WWOX: variants seen among roughly 807,000 people sequenced by gnomAD.
The protein encoded by WWOX is WW domain-containing oxidoreductase.
Under a neutral mutation model 46.2 loss-of-function variants are expected in WWOX, and 69 were observed. The observed-to-expected ratio is 1.49, with a 90% confidence interval of 1.23 to 1.82. The LOEUF (loss-of-function observed/expected upper bound fraction) is 1.82, where lower values mean the gene tolerates loss of function less well. WWOX is among the 40% of genes most tolerant of loss of function. The pLI, the probability that WWOX is intolerant of heterozygous loss-of-function variation, is 0.00. For synonymous variants in WWOX, 359 were observed against 202.6 expected, an observed-to-expected ratio of 1.77 and a Z score of -6.56; for missense variants, 919 against 542.6, an observed-to-expected ratio of 1.69 and a Z score of -6.89.
Position 78,640,283 on chromosome 16 carries a change from G to A in WWOX, c.1056+207531G>A, listed in dbSNP as rs994347377. ...TTTTGCGCCTATGGTGACTTTTAGC[G>A]AATGGATACTATTGAAGGAATGTTT... On this transcript the variant is annotated intron_variant, in intron 8 of 8. Coordinates refer to ENST00000566780, the MANE Select transcript of WWOX (RefSeq NM_016373.4). Among the ~76,000 whole-genome samples the A allele has an allele frequency of 4.8e-5, 6 of 124,510 alleles. No homozygotes were observed. In the Admixed American group the frequency reaches 6.5e-4, roughly 13 times the overall value. The allele number at this position is 124,510 out of a possible 152,430, so 81.7% of individuals were successfully genotyped here.
chr16:78,739,157 C>G (rs2049157557), intron 8 of WWOX, among the ~76,000 whole-genome samples: 3 of 151,944 alleles, frequency 2.0e-5, no homozygotes, highest in South Asian at 4.2e-4. Context: ...TCTGAGTTCC[C>G]AGAGCTAGGA....
At chr16:78,531,653 G>T (rs1425536366) in intron 8 of WWOX, among the ~76,000 whole-genome samples, 1 of 151,970 alleles carries the variant, frequency 6.6e-6, no homozygotes, top group Non-Finnish European at 1.5e-5. Flanking sequence ...GACTAGCCTG[G>T]CCAACATGGT....
chr16:79,072,879 A>G (rs1293166395), intron 8 of WWOX, among the ~76,000 whole-genome samples: 1 of 152,170 alleles, frequency 6.6e-6, no homozygotes, highest in Non-Finnish European at 1.5e-5. Flanking sequence ...TCTGGCCTGA[A>G]TTTGGGCTGA....
intron 8 of WWOX, among the ~76,000 whole-genome samples, chr16:78,768,279 TAAAAAAAAAA>T (rs56280651): frequency 1.1e-5 from 1 of 91,958 alleles, no homozygotes; most frequent in African/African-American, 4.0e-5. Flanking sequence ...ATAGATGAGT[TAAAAAAAAAA>T]AAAAAAAAAA....
At position 78,338,175 on chromosome 16, in the gene WWOX, CTT is replaced by C. The variant is rs1184810638; in HGVS notation, c.517-48682_517-48681del. Among the ~76,000 whole-genome samples the C allele has an allele frequency of 3.9e-5, 4 of 102,418 alleles. 1 individual carries two copies. The highest frequency in any genetic ancestry group is 1.5e-4 in the African/African-American group (4 of 26,318). 67.2% of individuals were successfully genotyped at this position (102,418 alleles called of 152,430 possible). On this transcript the variant is annotated intron_variant, in intron 5 of 8. Coordinates refer to ENST00000566780, the MANE Select transcript of WWOX (RefSeq NM_016373.4). ...TATGAATTTATCACATGGAAACAAA[CTT>C]TTAAAAAAATTAATTTTGTGAATTA...
In WWOX at chr16:78,825,893, C is replaced by G. The variant is rs1354111039; in HGVS notation, c.1057-385715C>G. 7.2e-6 allele frequency: 5 copies of G among 693,332 alleles called. No homozygotes were observed. The African/African-American group carries it at 8.8e-5, about 12-fold the overall frequency. 42.9% of individuals were successfully genotyped at this position (693,332 alleles called of 1,614,324 possible). On this transcript the variant is annotated intron_variant, in intron 8 of 8. Coordinates refer to ENST00000566780, the MANE Select transcript of WWOX (RefSeq NM_016373.4). ...TGGCCCTAAGAAGCCTCTGCCTGAC[C>G]ACGTGAGCATCATGGAACCCAAAGA...
intron 5 of WWOX, among the ~76,000 whole-genome samples, chr16:78,184,043 G>T (rs895871276): frequency 6.6e-6 from 1 of 152,052 alleles, no homozygotes; most frequent in Admixed American, 6.6e-5. Flanking sequence ...AACCTCCCCC[G>T]TTGCTCTCTG....
rs142208666 is a variant in WWOX at position 78,195,648 on chromosome 16, C to G, written c.516+31359C>G. 1.9e-3 allele frequency among the ~76,000 whole-genome samples: 283 copies of G among 151,812 alleles called. No individual in the cohort carries two copies. The South Asian group carries it at 0.025, about 14-fold the overall frequency. Reference sequence around the variant, plus strand: ...ACCAGCCTGAGCAACATGACGAAACCCTGTCTCTACTAAAAATACAAAAAT... The same window carrying G: ...ACCAGCCTGAGCAACATGACGAAACGCTGTCTCTACTAAAAATACAAAAAT... On this transcript the variant is annotated intron_variant, in intron 5 of 8. Coordinates refer to ENST00000566780, the MANE Select transcript of WWOX (RefSeq NM_016373.4).
intron 5 of WWOX, among the ~76,000 whole-genome samples, chr16:78,295,713 AAAAC>A (rs34994613): frequency 0.27 from 41,174 of 151,268 alleles, 6,113 homozygotes; most frequent in South Asian, 0.48. Context: ...TCAGTCTTAA[AAAAC>A]AAACAAACAA....
At chr16:79,025,547 G>T (rs2047620943) in intron 8 of WWOX, among the ~76,000 whole-genome samples, 1 of 152,028 alleles carries the variant, frequency 6.6e-6, no homozygotes, top group Non-Finnish European at 1.5e-5. Context: ...GAGGGCTGCT[G>T]GCACCCCCAG....
intron 8 of WWOX, among the ~76,000 whole-genome samples, chr16:78,617,490 A>C (rs2046055796): frequency 6.6e-6 from 1 of 152,064 alleles, no homozygotes; most frequent in South Asian, 2.1e-4. Context: ...CACAATGCTC[A>C]GTGCAGTGAC....
intron 8 of WWOX, among the ~76,000 whole-genome samples, chr16:78,903,503 G>A (rs2044880972): frequency 6.6e-6 from 1 of 152,172 alleles, no homozygotes; most frequent in African/African-American, 2.4e-5. Context: ...ACCACTCAGA[G>A]GTACTTTCAA....
intron 8 of WWOX, among the ~76,000 whole-genome samples, chr16:78,978,653 G>C (rs776211536): frequency 1.3e-5 from 2 of 152,202 alleles, no homozygotes; most frequent in Non-Finnish European, 2.9e-5. Context: ...CATGGCAGAA[G>C]GTAAAGGGGA....
chr16:78,123,440 G>GTTTTTTGTTTTTTTTTTTTTTT (rs2033202143), intron 4 of WWOX: 1 of 50,500 alleles, frequency 2.0e-5, no homozygotes, highest in African/African-American at 8.4e-5. Context: ...TTTTTGTTTT[G>GTTTTTTGTTTTTTTTTTTTTTT]TTTTTTTTTT....
At chr16:78,674,334 G>C (rs1011836301) in intron 8 of WWOX, among the ~76,000 whole-genome samples, 2 of 150,970 alleles carry the variant, frequency 1.3e-5, no homozygotes, top group South Asian at 4.2e-4. Context: ...CCCCAGGCTG[G>C]AGTGCAGTGG....
At chr16:78,284,384 G>T (rs1034922688) in intron 5 of WWOX, among the ~76,000 whole-genome samples, 1 of 152,110 alleles carries the variant, frequency 6.6e-6, no homozygotes, top group Admixed American at 6.5e-5. Context: ...TGAACCTCTT[G>T]CCCACCTAGG....
At chr16:78,637,363 C>A (rs1278704578) in intron 8 of WWOX, among the ~76,000 whole-genome samples, 1 of 151,914 alleles carries the variant, frequency 6.6e-6, no homozygotes, top group Admixed American at 6.6e-5. Context: ...GTCTGTTGAA[C>A]CCAGGAGGCA....
chr16:78,265,705 A>C (rs982811364), intron 5 of WWOX, among the ~76,000 whole-genome samples: 15 of 150,136 alleles, frequency 1.0e-4, no homozygotes, highest in African/African-American at 3.7e-4. Flanking sequence ...AACAAAAAAC[A>C]CGAATATCTT....
chr16:79,032,350 T>G (rs1490384155), intron 8 of WWOX, among the ~76,000 whole-genome samples: 1 of 146,398 alleles, frequency 6.8e-6, no homozygotes, highest in Non-Finnish European at 1.5e-5. Context: ...ATGTAATATA[T>G]AATATATTCT....
Sources: allele counts gnomAD v4.1 joint callset (sites outside exome capture counted in the v4.1 genomes callset), GRCh38; gene constraint gnomAD v4.1.1; transcripts MANE v1.5; gene names NCBI Gene and HGNC (gene_info 2026-07-23, HGNC 2026-07-21).